SRPK2: variants seen among roughly 807,000 people sequenced by gnomAD.
SRPK2 encodes SFRS protein kinase 2.
A neutral mutation model predicts 90.8 loss-of-function variants in SRPK2; 21 were observed. The ratio of observed to expected loss-of-function variants is 0.23; its 90% CI spans 0.16 to 0.33. The LOEUF (loss-of-function observed/expected upper bound fraction) is 0.33, where lower values mean the gene tolerates loss of function less well. Ranked by LOEUF, SRPK2 falls within the 10% of genes least tolerant of loss-of-function variation. The pLI is 1.00. For synonymous variants in SRPK2, 288 were observed against 311.1 expected, an observed-to-expected ratio of 0.93 and a Z score of 0.78; for missense variants, 620 against 869.0, an observed-to-expected ratio of 0.71 and a Z score of 3.60.
At chr7:105,351,895 ACCCTT>A in intron 2 of SRPK2, among the ~76,000 whole-genome samples, 2 of 131,964 alleles carry the variant, frequency 1.5e-5, no homozygotes, top group Non-Finnish European at 1.6e-5. Flanking sequence ...AGACTAAGAC[ACCCTT>A]ATAATCCACT....
intron 2 of SRPK2, among the ~76,000 whole-genome samples, chr7:105,274,326 C>A (rs755454183): frequency 6.6e-6 from 1 of 152,240 alleles, no homozygotes; most frequent in Non-Finnish European, 1.5e-5. Flanking sequence ...CTTTGGGAGG[C>A]CCACGTGGGC....
intron 2 of SRPK2, among the ~76,000 whole-genome samples, chr7:105,362,455 T>C (rs1349279848): frequency 6.7e-6 from 1 of 150,264 alleles, no homozygotes; most frequent in African/African-American, 2.5e-5. Flanking sequence ...AGGCAGAGCT[T>C]GTAGTGAGCT....
upstream of SRPK2, among the ~76,000 whole-genome samples, chr7:105,392,604 C>G (rs1205308327): frequency 1.3e-5 from 2 of 151,890 alleles, no homozygotes; most frequent in African/African-American, 2.4e-5. Flanking sequence ...ACCTCCACTT[C>G]CCAGGTTCAA....
In SRPK2 at chr7:105,388,712, A is replaced by G; in HGVS notation, c.17-10T>C. 2 of 1,576,360 alleles carry G rather than the reference A, an allele frequency of 1.3e-6. No homozygotes were observed. The highest frequency in any genetic ancestry group is 2.4e-5 in the East Asian group (1 of 41,598). Reference sequence around the variant, plus strand: ...GCCTGAATGGCCAGCACTGGGGAAGAGAAGACACACATTAACGGTCGGGCC... The same window carrying G: ...GCCTGAATGGCCAGCACTGGGGAAGGGAAGACACACATTAACGGTCGGGCC... On this transcript the variant is annotated splice_polypyrimidine_tract_variant and intron_variant, in intron 1 of 15. Transcript: ENST00000393651.
chr7:105,135,200 T>C (rs1405861632), intron 11 of SRPK2, among the ~76,000 whole-genome samples: 1 of 152,026 alleles, frequency 6.6e-6, no homozygotes, highest in Admixed American at 6.5e-5. Context: ...AAATCTAAGT[T>C]TCAATATCTA....
intron 13 of SRPK2, among the ~76,000 whole-genome samples, chr7:105,129,799 C>T (rs549680227): frequency 6.6e-6 from 1 of 152,340 alleles, no homozygotes; most frequent in East Asian, 1.9e-4. Flanking sequence ...AGACCAACTA[C>T]CTCTCTCCTA....
intron 2 of SRPK2, among the ~76,000 whole-genome samples, chr7:105,312,435 G>A (rs982221136): frequency 0.065 from 22 of 336 alleles, no homozygotes; most frequent in South Asian, 0.25. Context: ...GTGAGACTCC[G>A]TCAAAAAAAA....
chr7:105,374,534 T>A (rs919130441), intron 2 of SRPK2, among the ~76,000 whole-genome samples: 1 of 152,176 alleles, frequency 6.6e-6, no homozygotes, highest in African/African-American at 2.4e-5. Flanking sequence ...TAGGGAAATA[T>A]TTAAGCAAAT....
intron 2 of SRPK2, among the ~76,000 whole-genome samples, chr7:105,207,159 C>T (rs1465752307): frequency 6.6e-6 from 1 of 152,198 alleles, no homozygotes; most frequent in African/African-American, 2.4e-5. Context: ...CATTTTGAGA[C>T]AGGGTCTCGC....
chr7:105,157,485 G>A (rs569656295), intron 7 of SRPK2, among the ~76,000 whole-genome samples: 1 of 152,318 alleles, frequency 6.6e-6, no homozygotes, highest in South Asian at 2.1e-4. Flanking sequence ...CCTCAGGTAA[G>A]TAGATTATTA....
chr7:105,257,234 T>C (rs904624878), intron 2 of SRPK2, among the ~76,000 whole-genome samples: 1 of 152,224 alleles, frequency 6.6e-6, no homozygotes, highest in Admixed American at 6.5e-5. Flanking sequence ...AAATTAGTCT[T>C]AATTTCTTCC....
chr7:105,236,327 C>T (rs1800135965), intron 2 of SRPK2, among the ~76,000 whole-genome samples: 1 of 152,026 alleles, frequency 6.6e-6, no homozygotes, highest in Non-Finnish European at 1.5e-5. Flanking sequence ...TAACATATTT[C>T]ATTTATTCTA....
At chr7:105,244,694 C>G (rs900291571) in intron 2 of SRPK2, 7 of 1,148,234 alleles carry the variant, frequency 6.1e-6, no homozygotes, top group Non-Finnish European at 7.6e-6. Context: ...CAACAAGGGC[C>G]AAAAGGTGAC....
chr7:105,163,797 G>A (rs1047363497), intron 6 of SRPK2, among the ~76,000 whole-genome samples: 1 of 151,980 alleles, frequency 6.6e-6, no homozygotes, highest in Admixed American at 6.6e-5. Flanking sequence ...CGCAACAAGA[G>A]CAAAATTCCA....
chr7:105,232,204 C>A (rs1020227749), intron 2 of SRPK2, among the ~76,000 whole-genome samples: 5 of 152,062 alleles, frequency 3.3e-5, no homozygotes, highest in Non-Finnish European at 7.4e-5. Context: ...CGGTGGCTCA[C>A]GTCTGTAAGC....
chr7:105,358,419 C>CTG (rs1392330103), intron 2 of SRPK2, among the ~76,000 whole-genome samples: 1 of 152,090 alleles, frequency 6.6e-6, no homozygotes, highest in Non-Finnish European at 1.5e-5. Flanking sequence ...TGCATGGTGG[C>CTG]TCACACCTAT....
At chr7:105,279,298 A>G (rs199687587) in intron 2 of SRPK2, among the ~76,000 whole-genome samples, 2 of 151,704 alleles carry the variant, frequency 1.3e-5, no homozygotes, top group Admixed American at 6.6e-5. Flanking sequence ...TCTGATTTAG[A>G]TAGCTGCTGC....
chr7:105,163,471 C>T (rs1201534886), intron 6 of SRPK2, among the ~76,000 whole-genome samples: 5 of 151,862 alleles, frequency 3.3e-5, no homozygotes, highest in African/African-American at 4.8e-5. Flanking sequence ...AAGCCTGCAG[C>T]GGCAGACCAT....
chr7:105,313,290 C>CA (rs1408805129), intron 2 of SRPK2, among the ~76,000 whole-genome samples: 1 of 150,872 alleles, frequency 6.6e-6, no homozygotes, highest in South Asian at 2.1e-4. Flanking sequence ...TACCAAAATA[C>CA]AAAAAAATTA....
Sources: gnomAD v4.1 joint callset for allele counts (sites outside exome capture counted in the v4.1 genomes callset) on GRCh38, gnomAD v4.1.1 for gene constraint, MANE v1.5 for transcripts, NCBI Gene and HGNC (gene_info 2026-07-23, HGNC 2026-07-21) for gene names.